Variants in KDM5A observed in about 807,000 individuals in gnomAD.
The protein encoded by KDM5A is lysine demethylase 5A.
KDM5A carries 42 observed loss-of-function variants against 193.5 expected under a neutral mutation model. That is an observed-to-expected ratio of 0.22 (90% confidence interval 0.17 to 0.28). KDM5A has a LOEUF of 0.28. KDM5A is among the 10% of genes least tolerant of loss of function. The probability of loss-of-function intolerance (pLI) is 1.00; values close to 1 mark genes in which losing one functional copy is unlikely to be tolerated. For missense variants in KDM5A, 1,692 were observed against 2,055.1 expected (o/e 0.82, Z 3.42); for synonymous variants, 796 against 718.1 (o/e 1.11, Z -1.73).
chr12:358,510 AATAGTATATGCC>A (rs2137460888), intron 5 of KDM5A, among the ~76,000 whole-genome samples: 1 of 152,362 alleles, frequency 6.6e-6, no homozygotes, highest in Admixed American at 6.5e-5. Flanking sequence ...ATGTTGAGTA[AATAGTATATGCC>A]ATATCTAAGT....
At chr12:346,163 C>A (rs1204008421) in intron 10 of KDM5A, among the ~76,000 whole-genome samples, 1 of 152,154 alleles carries the variant, frequency 6.6e-6, no homozygotes, top group Admixed American at 6.5e-5. Flanking sequence ...ACTAGAAAAT[C>A]TAGAAGAAAT....
At chr12:315,472 C>G (rs1214230018) in intron 19 of KDM5A, among the ~76,000 whole-genome samples, 1 of 152,012 alleles carries the variant, frequency 6.6e-6, no homozygotes, top group African/African-American at 2.4e-5. Context: ...TACTCGGAAG[C>G]CTGAGGCACG....
At chr12:331,181 G>A (rs906071205) in intron 13 of KDM5A, among the ~76,000 whole-genome samples, 3 of 152,030 alleles carry the variant, frequency 2.0e-5, no homozygotes, top group African/African-American at 4.8e-5. Context: ...ACAGAGCTAC[G>A]TATTTGAAAA....
At chr12:388,231 A>T (rs1294679347) in intron 1 of KDM5A, 1 of 453,804 alleles carries the variant, frequency 2.2e-6, no homozygotes, top group Admixed American at 2.4e-5. Context: ...TGTTTTCCTT[A>T]CCTCAAAGGT....
At chr12:379,552 G>A (rs1340929944) in intron 3 of KDM5A, among the ~76,000 whole-genome samples, 1 of 152,138 alleles carries the variant, frequency 6.6e-6, no homozygotes, top group East Asian at 1.9e-4. Context: ...AAAGAAAAAA[G>A]TTAACGTGAG....
chr12:388,460 T>C, intron 1 of KDM5A: 1 of 387,784 alleles, frequency 2.6e-6, no homozygotes, highest in South Asian at 1.9e-5. Flanking sequence ...TCTGGAGTTC[T>C]TGTCTAGTAA....
At chr12:363,593 T>TA (rs1944317949) in intron 4 of KDM5A, among the ~76,000 whole-genome samples, 1 of 152,066 alleles carries the variant, frequency 6.6e-6, no homozygotes, top group African/African-American at 2.4e-5. Context: ...AAAATAAACT[T>TA]ACATCTTCAC....
chr12:294,767 C>T (rs957251187), intron 26 of KDM5A, among the ~76,000 whole-genome samples: 2 of 152,144 alleles, frequency 1.3e-5, no homozygotes, highest in Admixed American at 6.5e-5. Context: ...GAATCCAGAT[C>T]TCTTTATTTT....
Position 285,330 on chromosome 12 carries a change from G to C in KDM5A, c.*126C>G. 3.8e-6 allele frequency: 3 copies of C among 785,874 alleles called. No individual in the cohort carries two copies. Among genetic ancestry groups the C allele is most frequent in the Non-Finnish European group, 6.5e-6 (3 of 463,758 alleles). The allele number at this position is 785,874 out of a possible 1,614,324, so 48.7% of individuals were successfully genotyped here. A position where few individuals can be genotyped will look rare whatever the true frequency, so the allele number is the denominator to read the frequency against. On this transcript the variant is annotated 3_prime_UTR_variant, in exon 28 of 28. Coordinates refer to ENST00000399788, the MANE Select transcript of KDM5A (RefSeq NM_001042603.3). ...TGCAAAGAGGAAGCCAGCACTAAGG[G>C]GACTTTCTCTGAAGGCCATTCATCT...
In KDM5A at chr12:299,999, T is replaced by C. The variant is rs573631096; in HGVS notation, c.4075-2799A>G. On this transcript the variant is annotated intron_variant, in intron 24 of 27. Coordinates refer to ENST00000399788, the MANE Select transcript of KDM5A (RefSeq NM_001042603.3). Reference sequence around the variant, plus strand: ...CAAGAAGAGCTAACTATCCTAAATATATATGCACCCAATACAGGAGCACCC... The same window carrying C: ...CAAGAAGAGCTAACTATCCTAAATACATATGCACCCAATACAGGAGCACCC... Among the ~76,000 whole-genome samples the C allele has an allele frequency of 5.5e-3, 830 of 149,826 alleles. 6 individuals carry two copies. Among genetic ancestry groups the C allele is most frequent in the African/African-American group, 0.019 (775 of 40,206 alleles).
At chr12:298,684 T>G (rs1309413030) in intron 24 of KDM5A, among the ~76,000 whole-genome samples, 2 of 151,968 alleles carry the variant, frequency 1.3e-5, no homozygotes, top group Admixed American at 1.3e-4. Flanking sequence ...GGAACAAAAC[T>G]GGATGGTGAA....
At chr12:316,377 C>T (rs1412966501) in intron 19 of KDM5A, among the ~76,000 whole-genome samples, 2 of 152,176 alleles carry the variant, frequency 1.3e-5, no homozygotes, top group South Asian at 2.1e-4. Context: ...TTAGAAATAG[C>T]ACCTGGCATG....
chr12:365,291 C>T (rs112271735), intron 4 of KDM5A, among the ~76,000 whole-genome samples: 40 of 152,260 alleles, frequency 2.6e-4, no homozygotes, highest in Non-Finnish European at 8.8e-5. Context: ...TGGCCTCAAA[C>T]GATCCACCCA....
rs2137454230 is a variant in KDM5A at position 354,095 on chromosome 12, C to T, written c.1010G>A (p.Cys337Tyr). 1 of 1,613,718 alleles carries T rather than the reference C, an allele frequency of 6.2e-7. No individual in the cohort carries two copies. The highest frequency in any genetic ancestry group is 8.5e-7 in the Non-Finnish European group (1 of 1,179,732). The stretch of plus-strand genomic sequence containing the variant: ...GTGTACCTCGGCGACACATTTAGGA[C>T]ACCTCCAGTCTCCTTTGGGCACATC... Reference protein sequence around the residue: ...LPDVPKGDWRCPKCVAEECSK... With the variant: ...LPDVPKGDWRYPKCVAEECSK... The change falls in exon 8 of 28, where the codon TGT becomes TAT. Residue 337 changes from cysteine (C) to tyrosine (Y), a missense_variant. Coordinates refer to ENST00000399788, the MANE Select transcript of KDM5A (RefSeq NM_001042603.3).
intron 18 of KDM5A, among the ~76,000 whole-genome samples, chr12:320,673 T>C (rs899663040): frequency 6.6e-6 from 1 of 152,218 alleles, no homozygotes; most frequent in African/African-American, 2.4e-5. Flanking sequence ...AGCTCACGTA[T>C]TATTAACACT....
rs1457325754 is a variant in KDM5A, at chr12:285,463, G to A, written c.5066C>T (p.Thr1689Ile). The change falls in exon 28 of 28, where the codon ACC becomes ATC. Residue 1689 changes from threonine to isoleucine, a missense_variant. Thr to Ile is a moderately conservative substitution (Grantham distance 89). This residue lies in a region of KDM5A where 41 missense variants were observed against 36.3 expected (regional missense o/e 1.13). Transcript: ENST00000399788. The part of the protein sequence containing the change: ...YKLPMEDLKE[T>I]S ...AAACTAACCAAGCATCTGCTAACTG[G>A]TCTCTTTAAGATCCTCCATTGGTAG... The A allele has an allele frequency of 1.2e-6, 2 of 1,613,762 alleles. No individual in the cohort carries two copies. The highest frequency in any genetic ancestry group is 1.7e-6 in the Non-Finnish European group (2 of 1,179,768).
At chr12:367,847 G>A (rs534389434) in intron 3 of KDM5A, among the ~76,000 whole-genome samples, 1 of 151,148 alleles carries the variant, frequency 6.6e-6, no homozygotes, top group East Asian at 1.9e-4. Context: ...GGCTGATCCT[G>A]TCTCAAGTGA....
intron 10 of KDM5A, among the ~76,000 whole-genome samples, chr12:335,456 G>A (rs1258493291): frequency 1.3e-5 from 2 of 152,186 alleles, no homozygotes; most frequent in Admixed American, 6.6e-5. Flanking sequence ...GGGAAAGATG[G>A]TATGTGCTAT....
rs150903228 is a variant in KDM5A, at chr12:344,328, T to C, written c.1308+6293A>G. 3.8e-3 allele frequency among the ~76,000 whole-genome samples: 585 copies of C among 152,324 alleles called. 6 individuals are homozygous for C. Among genetic ancestry groups the C allele is most frequent in the African/African-American group, 0.013 (556 of 41,572 alleles). ...AAGTGATGGGGAGGATGAAACCCAGTTGGAAAACACTCTTCAGGATATTAT... is the reference window on the plus strand; with the variant it reads ...AAGTGATGGGGAGGATGAAACCCAGCTGGAAAACACTCTTCAGGATATTAT... On this transcript the variant is annotated intron_variant, in intron 10 of 27. Coordinates refer to ENST00000399788, the MANE Select transcript of KDM5A (RefSeq NM_001042603.3).
Sources: allele counts gnomAD v4.1 joint callset (sites outside exome capture counted in the v4.1 genomes callset), GRCh38; gene constraint gnomAD v4.1.1; regional missense constraint gnomAD v4.1.1; transcripts MANE v1.5; gene names NCBI Gene and HGNC (gene_info 2026-07-23, HGNC 2026-07-21).